Variants in LRCH3 observed in about 807,000 individuals in gnomAD.
LRCH3 encodes the protein DISP complex protein LRCH3.
In LRCH3, 68 loss-of-function variants were observed where a neutral mutation model predicts 104.5. That is an observed-to-expected ratio of 0.65 (90% CI 0.54 to 0.80). The LOEUF (loss-of-function observed/expected upper bound fraction) is 0.80, where lower values mean the gene tolerates loss of function less well. LRCH3 is among the 30% of genes least tolerant of loss of function. The probability of loss-of-function intolerance (pLI) is 0.00; values close to 1 mark genes in which losing one functional copy is unlikely to be tolerated. For missense variants in LRCH3, 951 were observed against 953.9 expected, an observed-to-expected ratio of 1.00 and a Z score of 0.04; for synonymous variants, 344 against 361.3, an observed-to-expected ratio of 0.95 and a Z score of 0.54.
intron 10 of LRCH3, among the ~76,000 whole-genome samples, chr3:197,841,914 C>G (rs1176347478): frequency 1.3e-5 from 2 of 152,066 alleles, no homozygotes; most frequent in Non-Finnish European, 2.9e-5. Flanking sequence ...GTCACTGCAG[C>G]CTCTACCTCC....
chr3:197,829,833 G>C (rs1025621686), intron 6 of LRCH3, among the ~76,000 whole-genome samples, 160 bp downstream of exon 6: 1 of 152,186 alleles, frequency 6.6e-6, no homozygotes, highest in African/African-American at 2.4e-5. Flanking sequence ...ACCTAGATCT[G>C]GCAAAGTCTA....
Position 197,834,606 on chromosome 3 carries a change from G to A in LRCH3, c.1103-1068G>A, listed in dbSNP as rs146615800. ...GGTTTTCCACCTGCCATCTCCTCAC[G>A]GAGATATTAAGCCCCAGACCTAAAA... On this transcript the variant is annotated intron_variant, in intron 8 of 20. Coordinates refer to ENST00000425562, the MANE Select transcript of LRCH3 (RefSeq NM_001365715.1). Among the ~76,000 whole-genome samples, 7 of 152,192 alleles carry A rather than the reference G, an allele frequency of 4.6e-5. No individual in the cohort carries two copies. In the East Asian group the frequency reaches 1.2e-3, roughly 25 times the overall value.
Position 197,887,589 on chromosome 3 carries a change from C to T in LRCH3, c.*3923C>T, listed in dbSNP as rs4456911. 3 of 143,934 alleles carry T rather than the reference C, an allele frequency of 2.1e-5. No homozygotes were observed. The highest frequency in any genetic ancestry group is 2.7e-5 in the African/African-American group (1 of 37,322). 8.9% of individuals were successfully genotyped at this position (143,934 alleles called of 1,614,324 possible). The stretch of plus-strand genomic sequence containing the variant: ...TTCCCATCACTGACAGTGTTGGGGG[C>T]TGAGAGCCCCCCTAGCAGAGCCCTT... On this transcript the variant is annotated 3_prime_UTR_variant, in exon 21 of 21. Coordinates refer to ENST00000425562, the MANE Select transcript of LRCH3 (RefSeq NM_001365715.1).
At chr3:197,793,574 G>GGTCTAGGA (rs1423639115) in intron 1 of LRCH3, among the ~76,000 whole-genome samples, 1 of 152,190 alleles carries the variant, frequency 6.6e-6, no homozygotes, top group Admixed American at 6.5e-5. Flanking sequence ...CTTTTCAGTA[G>GGTCTAGGA]GTCTAGGAGC....
intron 16 of LRCH3, 126 bp from the exon 17 acceptor site, chr3:197,865,986 A>T (rs549795559): frequency 3.8e-5 from 26 of 690,650 alleles, no homozygotes; most frequent in Middle Eastern, 7.7e-4. Context: ...CAGACTTTTC[A>T]TCATTAAATA....
intron 6 of LRCH3, chr3:197,830,539 C>T (rs1372365125): frequency 2.4e-6 from 1 of 418,502 alleles, no homozygotes; most frequent in African/African-American, 2.0e-5. Flanking sequence ...ACAAGAATTG[C>T]AGAGGTGTGA....
rs1382066204 is a variant in LRCH3, at chr3:197,883,565, A to G, written c.2233A>G (p.Ile745Val). 4 of 1,535,776 alleles carry G rather than the reference A, an allele frequency of 2.6e-6. No homozygotes were observed. Among genetic ancestry groups the G allele is most frequent in the Admixed American group, 2.0e-5 (1 of 50,952 alleles). ...GGAGCAATTATGTTTGCCTCTCCAC[A>G]TTTTAGAAGAGAAAGGTTTGAGCCA... ...PQEQLCLPLH[I>V]LEEKGLSQVA... The change falls in exon 21 of 21, where the codon ATT (isoleucine) becomes GTT (valine). Residue 745 changes from isoleucine to valine, a missense_variant. Coordinates refer to ENST00000425562, the MANE Select transcript of LRCH3 (RefSeq NM_001365715.1). The surrounding 1 kb of genome is among the most constrained non-coding windows in gnomAD (Gnocchi z 4.2).
At position 197,834,881 on chromosome 3, in the gene LRCH3, T is replaced by C. The variant is rs150413146; in HGVS notation, c.1103-793T>C. Among the ~76,000 whole-genome samples the C allele has an allele frequency of 1.9e-4, 29 of 152,294 alleles. No individual in the cohort carries two copies. The South Asian group carries it at 2.7e-3, about 14-fold the overall frequency. ...CTTGTGTGCCAGGCACGTTGGCTGATGCCTGTAATCCCAGCACTTTGGGTG... is the reference window on the plus strand; with the variant it reads ...CTTGTGTGCCAGGCACGTTGGCTGACGCCTGTAATCCCAGCACTTTGGGTG... On this transcript the variant is annotated intron_variant, in intron 8 of 20. Coordinates refer to ENST00000425562, the MANE Select transcript of LRCH3 (RefSeq NM_001365715.1).
chr3:197,792,087 G>T, intron 1 of LRCH3, among the ~76,000 whole-genome samples: 1 of 151,894 alleles, frequency 6.6e-6, no homozygotes, highest in African/African-American at 2.4e-5. Flanking sequence ...GAAGTGTTGG[G>T]GTGTGTGTGT....
At chr3:197,879,751 A>G (rs1490212224) in intron 20 of LRCH3, among the ~76,000 whole-genome samples, 1 of 151,920 alleles carries the variant, frequency 6.6e-6, no homozygotes, top group Non-Finnish European at 1.5e-5. Flanking sequence ...CAGTCTTTGA[A>G]CCTTTTTGAT....
intron 9 of LRCH3, among the ~76,000 whole-genome samples, chr3:197,838,460 A>G (rs112048226): frequency 0.03 from 4,548 of 152,060 alleles, 164 homozygotes; most frequent in African/African-American, 0.089. Context: ...ATTTCTTGGA[A>G]GTAGATGGTA....
At chr3:197,813,683 A>T in intron 1 of LRCH3, among the ~76,000 whole-genome samples, 1 of 151,628 alleles carries the variant, frequency 6.6e-6, no homozygotes, top group East Asian at 1.9e-4. Flanking sequence ...GGTGTGTGCC[A>T]CCATGCCCGG....
chr3:197,815,462 G>T (rs946753959), intron 2 of LRCH3, among the ~76,000 whole-genome samples: 1 of 152,150 alleles, frequency 6.6e-6, no homozygotes, highest in Non-Finnish European at 1.5e-5. Flanking sequence ...ACTAGATAGT[G>T]TAGTAAAGTG....
chr3:197,826,732 A>AT, intron 4 of LRCH3, 146 bp from the exon 5 acceptor site: 1 of 1,017,390 alleles, frequency 9.8e-7, no homozygotes, highest in Non-Finnish European at 1.4e-6. Context: ...CACTTTTCTC[A>AT]TTTTTACCAC....
At chr3:197,848,152 TAG>T in intron 12 of LRCH3, 131 bp downstream of exon 12, 1 of 797,932 alleles carries the variant, frequency 1.3e-6, no homozygotes, top group Non-Finnish European at 2.0e-6. Flanking sequence ...CTTGACTAAA[TAG>T]AGTGTCTCTT....
chr3:197,842,563 G>A (rs537467352), intron 10 of LRCH3, among the ~76,000 whole-genome samples: 2 of 152,114 alleles, frequency 1.3e-5, no homozygotes, highest in African/African-American at 2.4e-5. Context: ...TTGCTTACCC[G>A]TTTTTTTCTT....
In LRCH3 at chr3:197,829,643, A is replaced by G. The variant is rs1288889959; in HGVS notation, c.857A>G (p.Tyr286Cys). 6.2e-7 allele frequency: 1 copy of G among 1,613,300 alleles called. No individual in the cohort carries two copies. The highest frequency in any genetic ancestry group is 8.5e-7 in the Non-Finnish European group (1 of 1,179,798). ...ACKIAPDLPD[Y>C]DRRPLGFGSC... is the part of the protein sequence containing the mutation. ...AAGATTGCTCCAGATCTGCCGGATT[A>G]TGATAGGAGACCGTTGGGTTTTGGC... Residue 286 changes from tyrosine to cysteine, a missense_variant, in exon 6 of 21, where the codon TAT (tyrosine) becomes TGT (cysteine). Tyr to Cys is a radical substitution (Grantham distance 194, BLOSUM62 -2). Transcript: ENST00000425562.
intron 15 of LRCH3, among the ~76,000 whole-genome samples, chr3:197,865,118 T>C (rs1741336298): frequency 6.6e-6 from 1 of 152,150 alleles, no homozygotes; most frequent in Non-Finnish European, 1.5e-5. Context: ...CCCTCCCTCC[T>C]CAGCCTCTAC....
chr3:197,791,616 C>T (rs371895683), intron 1 of LRCH3, 76 bp downstream of exon 1: 44 of 1,441,906 alleles, frequency 3.1e-5, no homozygotes, highest in East Asian at 1.4e-4. Context: ...GAGGCGGATG[C>T]GGGGGAGTTA....
Sources: allele counts gnomAD v4.1 joint callset (sites outside exome capture counted in the v4.1 genomes callset), GRCh38; gene constraint gnomAD v4.1.1; non-coding constraint Gnocchi (gnomAD v3.1); transcripts MANE v1.5; gene names NCBI Gene and HGNC (gene_info 2026-07-23, HGNC 2026-07-21).